Variants in PDS5B observed in about 807,000 individuals in gnomAD.
PDS5B encodes PDS5 cohesin associated factor B.
A neutral mutation model predicts 184.1 loss-of-function variants in PDS5B; 51 were observed. The observed-to-expected ratio is 0.28, with a 90% CI of 0.22 to 0.35. PDS5B has a LOEUF of 0.35. Among genes scored for constraint, PDS5B ranks in the 10% least tolerant of loss-of-function variants. PDS5B has a pLI of 1.00. For synonymous variants in PDS5B, 566 were observed against 569.2 expected (o/e 0.99, Z 0.08); for missense variants, 1,180 against 1,723.3 (o/e 0.68, Z 5.58).
chr13:32,766,751 CA>C (rs1954599979), intron 31 of PDS5B, among the ~76,000 whole-genome samples: 1 of 152,098 alleles, frequency 6.6e-6, no homozygotes, highest in South Asian at 2.1e-4. Context: ...GTTCTTAAAA[CA>C]GTGCAATGCA....
Position 32,619,152 on chromosome 13 carries a change from G to A in PDS5B, c.-19-29602G>A, listed in dbSNP as rs192138223. 1.6e-4 allele frequency among the ~76,000 whole-genome samples: 18 copies of A among 112,654 alleles called. No homozygotes were observed. The East Asian group carries it at 4.5e-3, about 28-fold the overall frequency. 73.9% of individuals were successfully genotyped at this position (112,654 alleles called of 152,430 possible). On this transcript the variant is annotated intron_variant, in intron 1 of 34. Transcript: ENST00000315596. Reference sequence around the variant, plus strand: ...GTCTAAATGATTTAAAAATTTGGTGGTAAGGTCTTTGAGGTACCCTGTTGG... The same window carrying A: ...GTCTAAATGATTTAAAAATTTGGTGATAAGGTCTTTGAGGTACCCTGTTGG...
intron 1 of PDS5B, among the ~76,000 whole-genome samples, chr13:32,602,131 T>C (rs1185848815): frequency 6.6e-6 from 1 of 152,168 alleles, no homozygotes; most frequent in East Asian, 1.9e-4. Context: ...CTAGGGTACA[T>C]GTGCACAGCG....
chr13:32,702,072 A>G (rs1043159332), intron 17 of PDS5B, among the ~76,000 whole-genome samples: 3 of 152,102 alleles, frequency 2.0e-5, no homozygotes, highest in Admixed American at 6.6e-5. Flanking sequence ...TACTTATACA[A>G]TATATATAGC....
chr13:32,760,565 C>G lies in PDS5B; in HGVS notation c.3373-10C>G, dbSNP rs1296007219. On this transcript the variant is annotated splice_polypyrimidine_tract_variant and intron_variant, in intron 29 of 34. Transcript: ENST00000315596. ...ACCAAATAAAAAGAGATGTGCATTTCTCATTTCAGCCTAAAACAACCAATG... is the reference window on the plus strand; with the variant it reads ...ACCAAATAAAAAGAGATGTGCATTTGTCATTTCAGCCTAAAACAACCAATG... 7 of 1,611,942 alleles carry G rather than the reference C, an allele frequency of 4.3e-6. No individual in the cohort carries two copies. The South Asian group carries it at 6.6e-5, about 15-fold the overall frequency.
At chr13:32,614,383 C>T (rs374239479) in intron 1 of PDS5B, among the ~76,000 whole-genome samples, 8 of 151,680 alleles carry the variant, frequency 5.3e-5, no homozygotes, top group Non-Finnish European at 5.9e-5. Flanking sequence ...CTGCAACCTC[C>T]GCCTCCCGGG....
At chr13:32,606,931 T>C (rs1379062333) in intron 1 of PDS5B, among the ~76,000 whole-genome samples, 1 of 152,226 alleles carries the variant, frequency 6.6e-6, no homozygotes, top group African/African-American at 2.4e-5. Flanking sequence ...TTTAAGGTCT[T>C]CTCTACACTG....
chr13:32,743,227 G>A (rs1312496491), intron 23 of PDS5B, among the ~76,000 whole-genome samples: 1 of 151,962 alleles, frequency 6.6e-6, no homozygotes, highest in Non-Finnish European at 1.5e-5. Context: ...CTGGACTCTG[G>A]AGCCTGGATT....
chr13:32,735,114 A>G (rs1005926704), intron 20 of PDS5B, 58 bp from the exon 21 acceptor site: 4 of 1,006,372 alleles, frequency 4.0e-6, no homozygotes, highest in Admixed American at 2.8e-5. Context: ...TGAAATATGT[A>G]AACAGTTTAT....
chr13:32,741,352 G>T (rs573798122), intron 22 of PDS5B, among the ~76,000 whole-genome samples: 1 of 152,164 alleles, frequency 6.6e-6, no homozygotes, highest in East Asian at 1.9e-4. Flanking sequence ...AATCTAATTT[G>T]AGGAGAAAAA....
At chr13:32,620,127 A>G (rs963631242) in intron 1 of PDS5B, among the ~76,000 whole-genome samples, 11 of 152,120 alleles carry the variant, frequency 7.2e-5, no homozygotes, top group Non-Finnish European at 1.5e-4. Context: ...TGTATCTTAT[A>G]ATAAACTTTT....
chr13:32,660,666 G>A (rs561847767), intron 6 of PDS5B, among the ~76,000 whole-genome samples: 16 of 152,300 alleles, frequency 1.1e-4, no homozygotes, highest in East Asian at 3.9e-4. Context: ...GCCTCCATCC[G>A]TTGATTGTCG....
At chr13:32,706,790 A>G (rs1952031061) in intron 17 of PDS5B, 144 bp from the exon 18 acceptor site, 3 of 446,728 alleles carry the variant, frequency 6.7e-6, no homozygotes, top group South Asian at 5.1e-5. Context: ...GTTGTTTTGC[A>G]GTAGTGTTAA....
At chr13:32,606,786 C>A (rs145337018) in intron 1 of PDS5B, among the ~76,000 whole-genome samples, 3 of 152,132 alleles carry the variant, frequency 2.0e-5, no homozygotes, top group Non-Finnish European at 4.4e-5. Flanking sequence ...TTCCTCTAAA[C>A]TTCTCTTCTT....
At chr13:32,773,404 T>A in intron 34 of PDS5B, 80 bp downstream of exon 34, 1 of 1,209,754 alleles carries the variant, frequency 8.3e-7, no homozygotes, top group Non-Finnish European at 1.2e-6. Context: ...TTAGTACTTG[T>A]TTAGTATTTA....
chr13:32,638,974 G>C (rs144539640), intron 1 of PDS5B, among the ~76,000 whole-genome samples: 83 of 152,090 alleles, frequency 5.5e-4, no homozygotes, highest in African/African-American at 1.9e-3. Flanking sequence ...TGGGGCGGGG[G>C]CGGCGTTGTA....
At chr13:32,706,135 G>A (rs998233655) in intron 17 of PDS5B, among the ~76,000 whole-genome samples, 1 of 151,886 alleles carries the variant, frequency 6.6e-6, no homozygotes, top group African/African-American at 2.4e-5. Context: ...AAAATTAGCT[G>A]GGTTTGTTGG....
At chr13:32,731,512 A>C (rs1953121940) in intron 19 of PDS5B, among the ~76,000 whole-genome samples, 1 of 149,880 alleles carries the variant, frequency 6.7e-6, no homozygotes, top group Non-Finnish European at 1.5e-5. Flanking sequence ...CATCTTTAAA[A>C]ATTTTTTTCT....
Position 32,775,095 on chromosome 13 carries a change from A to ACCTTTT in PDS5B, c.*43_*44insCCTTTT. ...CTTTCTCTGTGAAAGCTTTGGAAAA[A>ACCTTTT]TCTTTTTTTTTTTTTTTGGTCAAGC... On this transcript the variant is annotated 3_prime_UTR_variant, in exon 35 of 35. Transcript: ENST00000315596. The ACCTTTT allele has an allele frequency of 1.8e-6, 1 of 547,628 alleles. No homozygotes were observed. The highest frequency in any genetic ancestry group is 2.6e-6 in the Non-Finnish European group (1 of 388,742). The allele number at this position is 547,628 out of a possible 1,614,324, so 33.9% of individuals were successfully genotyped here.
intron 26 of PDS5B, among the ~76,000 whole-genome samples, chr13:32,756,590 C>T (rs185670036): frequency 6.6e-6 from 1 of 152,128 alleles, no homozygotes; most frequent in African/African-American, 2.4e-5. Flanking sequence ...AGCTCGAGAC[C>T]CTGGTCCTTG....
Sources: gnomAD v4.1 joint callset for allele counts (sites outside exome capture counted in the v4.1 genomes callset) on GRCh38, gnomAD v4.1.1 for gene constraint, MANE v1.5 for transcripts, NCBI Gene and HGNC (gene_info 2026-07-23, HGNC 2026-07-21) for gene names.